WLS: variants seen among roughly 807,000 people sequenced by gnomAD.
WLS encodes the protein Wnt ligand secretion mediator.
Under a neutral mutation model 62.8 loss-of-function variants are expected in WLS, and 23 were observed. That is an observed-to-expected ratio of 0.37 (90% CI 0.26 to 0.52). WLS has a LOEUF of 0.52. WLS is among the 20% of genes least tolerant of loss of function. WLS has a pLI of 0.92. For missense variants in WLS, 615 were observed against 697.3 expected, an observed-to-expected ratio of 0.88 and a Z score of 1.33; for synonymous variants, 246 against 244.1, an observed-to-expected ratio of 1.01 and a Z score of -0.07.
At chr1:68,156,610 AAC>A (rs1646903642) in intron 3 of WLS, among the ~76,000 whole-genome samples, 1 of 152,174 alleles carries the variant, frequency 6.6e-6, no homozygotes, top group Admixed American at 6.5e-5. Flanking sequence ...ATCAGTCGTC[AAC>A]AGTTTTTATC....
chr1:68,155,362 T>C, intron 3 of WLS, 102 bp from the exon 4 acceptor site: 1 of 1,393,200 alleles, frequency 7.2e-7, no homozygotes, highest in Middle Eastern at 2.4e-4. Flanking sequence ...AAGCAGCTAA[T>C]GCTTAAAGGT....
chr1:68,149,371 G>A (rs1646795288), intron 6 of WLS, among the ~76,000 whole-genome samples: 1 of 152,152 alleles, frequency 6.6e-6, no homozygotes, highest in South Asian at 2.1e-4. Context: ...TCTGCTGGAG[G>A]ACACCTCATG....
chr1:68,127,274 G>A (rs1420809653), intron 11 of WLS: 1 of 184,930 alleles, frequency 5.4e-6, no homozygotes, highest in Non-Finnish European at 1.2e-5. Flanking sequence ...TCCATAGATT[G>A]GGGAAGGAGC....
intron 11 of WLS, among the ~76,000 whole-genome samples, chr1:68,100,162 A>G (rs1646058116): frequency 6.6e-6 from 1 of 152,242 alleles, no homozygotes; most frequent in Admixed American, 6.5e-5. Flanking sequence ...TTTGTGTTAC[A>G]GTGCAGGAAA....
At chr1:68,149,086 C>T (rs1646791589) in intron 6 of WLS, among the ~76,000 whole-genome samples, 1 of 152,164 alleles carries the variant, frequency 6.6e-6, no homozygotes, top group African/African-American at 2.4e-5. Context: ...TAAAGTGTGT[C>T]TATTATGGTG....
At chr1:68,217,483 C>A (rs1324679205) in intron 1 of WLS, among the ~76,000 whole-genome samples, 1 of 152,092 alleles carries the variant, frequency 6.6e-6, no homozygotes, top group African/African-American at 2.4e-5. Context: ...ACCAGTCTCG[C>A]CATGGAAAAC....
At chr1:68,201,628 C>G (rs553689546) in intron 1 of WLS, among the ~76,000 whole-genome samples, 1 of 152,166 alleles carries the variant, frequency 6.6e-6, no homozygotes, top group Non-Finnish European at 1.5e-5. Flanking sequence ...AAATGGGGTA[C>G]GCTAAGTGAA....
At chr1:68,163,658 C>A (rs1647020080) in intron 2 of WLS, among the ~76,000 whole-genome samples, 1 of 134,592 alleles carries the variant, frequency 7.4e-6, no homozygotes, top group South Asian at 2.5e-4. Context: ...AAGCACAAAT[C>A]ACATTTCCAA....
chr1:68,192,441 C>G (rs1648363192), intron 2 of WLS, among the ~76,000 whole-genome samples: 1 of 151,578 alleles, frequency 6.6e-6, no homozygotes, highest in Non-Finnish European at 1.5e-5. Flanking sequence ...AAATTTAAGG[C>G]CAGGTGCAGT....
chr1:68,120,485 A>G (rs1306629966), downstream of WLS, among the ~76,000 whole-genome samples: 5 of 152,192 alleles, frequency 3.3e-5, no homozygotes, highest in African/African-American at 4.8e-5. Flanking sequence ...CAAATATGCT[A>G]CTGGAAAGAC....
intron 2 of WLS, among the ~76,000 whole-genome samples, chr1:68,188,611 G>T (rs756947213): frequency 6.6e-6 from 1 of 152,170 alleles, no homozygotes; most frequent in East Asian, 1.9e-4. Flanking sequence ...ACCTAGGAAG[G>T]CTCCAGGGGA....
At chr1:68,116,849 C>A (rs1570814963) in intron 11 of WLS, among the ~76,000 whole-genome samples, 1 of 151,914 alleles carries the variant, frequency 6.6e-6, no homozygotes, top group Non-Finnish European at 1.5e-5. Flanking sequence ...CAGAGGGCAG[C>A]AAATAGCTGT....
At chr1:68,207,733 C>G (rs1649335762) in intron 1 of WLS, among the ~76,000 whole-genome samples, 1 of 152,208 alleles carries the variant, frequency 6.6e-6, no homozygotes, top group Admixed American at 6.5e-5. Flanking sequence ...GCTTACCTAG[C>G]CTTGTAGAAT....
intron 10 of WLS, among the ~76,000 whole-genome samples, chr1:68,142,401 C>T (rs1366864334): frequency 1.3e-5 from 2 of 152,216 alleles, no homozygotes; most frequent in East Asian, 1.9e-4. Flanking sequence ...GCTCTGTGCC[C>T]TCTCAGCCTT....
intron 10 of WLS, 128 bp downstream of exon 10, chr1:68,144,441 T>A: frequency 1.3e-6 from 1 of 788,652 alleles, no homozygotes; most frequent in Non-Finnish European, 1.8e-6. Context: ...CAGAAAAATA[T>A]GGCTTGACCA....
In WLS at chr1:68,144,551, A is replaced by G. The variant is rs773846733; in HGVS notation, c.1362+18T>C. The G allele has an allele frequency of 4.3e-6, 7 of 1,610,686 alleles. No homozygotes were observed. The highest frequency in any genetic ancestry group is 5.9e-6 in the Non-Finnish European group (7 of 1,177,422). ...TCTGCAGAGACATTCTCACCTTGAC[A>G]TCTCAGGGTCCACTTACCTGACTAA... On this transcript the variant is annotated intron_variant, in intron 10 of 11. Transcript: ENST00000262348.
At chr1:68,153,425 T>G (rs769128667) in intron 5 of WLS, 92 bp downstream of exon 5, 22 of 1,556,378 alleles carry the variant, frequency 1.4e-5, no homozygotes, top group Non-Finnish European at 1.9e-5. Flanking sequence ...AGTCACACAC[T>G]GGCTGCTTGA....
chr1:68,229,386 T>A (rs1264984255), intron 1 of WLS, among the ~76,000 whole-genome samples: 2 of 151,962 alleles, frequency 1.3e-5, no homozygotes, highest in Admixed American at 1.3e-4. Flanking sequence ...AAAGGGGACA[T>A]TTCTTTTTCT....
intron 11 of WLS, among the ~76,000 whole-genome samples, chr1:68,133,218 G>C (rs183775290): frequency 6.6e-6 from 1 of 152,300 alleles, no homozygotes; most frequent in East Asian, 1.9e-4. Context: ...ATAATTCTAT[G>C]TACATAAAAA....
Sources: gnomAD v4.1 joint callset for allele counts (sites outside exome capture counted in the v4.1 genomes callset) on GRCh38, gnomAD v4.1.1 for gene constraint, MANE v1.5 for transcripts, NCBI Gene and HGNC (gene_info 2026-07-23, HGNC 2026-07-21) for gene names.